The following PDGFD variants were observed in gnomAD, a reference collection of about 807,000 sequenced individuals.
The protein encoded by PDGFD is platelet-derived growth factor D.
PDGFD carries 30 observed loss-of-function variants against 44.7 expected under a neutral mutation model. The ratio of observed to expected loss-of-function variants is 0.67; its 90% CI spans 0.50 to 0.91. The LOEUF (loss-of-function observed/expected upper bound fraction) is 0.91. PDGFD is among the 40% of genes least tolerant of loss of function. PDGFD has a pLI of 0.00. For synonymous variants in PDGFD, 173 were observed against 168.4 expected, an observed-to-expected ratio of 1.03 and a Z score of -0.21; for missense variants, 445 against 457.8, an observed-to-expected ratio of 0.97 and a Z score of 0.25.
At chr11:104,014,429 G>A (rs1859830343) in intron 1 of PDGFD, among the ~76,000 whole-genome samples, 1 of 152,180 alleles carries the variant, frequency 6.6e-6, no homozygotes, top group African/African-American at 2.4e-5. Flanking sequence ...TCAGGAGTTT[G>A]AGGCTATAGT....
chr11:104,084,683 TTATA>T (rs1430280610), intron 1 of PDGFD, among the ~76,000 whole-genome samples: 2 of 137,922 alleles, frequency 1.5e-5, no homozygotes, highest in Non-Finnish European at 3.0e-5. Flanking sequence ...GATAAAATAA[TTATA>T]TAGTGTATAA....
chr11:104,063,011 A>G (rs1336181406), intron 1 of PDGFD, among the ~76,000 whole-genome samples: 1 of 152,176 alleles, frequency 6.6e-6, no homozygotes, highest in Admixed American at 6.5e-5. Context: ...AGTTATATAA[A>G]CACTGAAGAG....
At chr11:103,925,716 C>CATAT (rs370841769) in intron 6 of PDGFD, among the ~76,000 whole-genome samples, 5,002 of 122,578 alleles carry the variant, frequency 0.041, 137 homozygotes, top group South Asian at 0.07. Flanking sequence ...CACACACACA[C>CATAT]ATATATATAT....
chr11:104,152,091 T>C (rs999808075), intron 1 of PDGFD, among the ~76,000 whole-genome samples: 8 of 152,186 alleles, frequency 5.3e-5, no homozygotes, highest in Admixed American at 1.3e-4. Context: ...TGGTGCCTCA[T>C]CCAGAGCACT....
At chr11:103,945,493 C>A (rs769157576) in intron 4 of PDGFD, 1 of 152,182 alleles carries the variant, frequency 6.6e-6, no homozygotes, top group Non-Finnish European at 1.5e-5. Context: ...TTACAAGCAG[C>A]CTTGTGTCAC....
chr11:104,129,144 A>G (rs532139795), intron 1 of PDGFD, among the ~76,000 whole-genome samples: 1 of 152,288 alleles, frequency 6.6e-6, no homozygotes, highest in African/African-American at 2.4e-5. Context: ...ACAGAGCATA[A>G]TACAGAGCTC....
At chr11:104,119,674 T>C (rs1861736179) in intron 1 of PDGFD, among the ~76,000 whole-genome samples, 1 of 85,836 alleles carries the variant, frequency 1.2e-5, no homozygotes. Context: ...TATATCGATA[T>C]ATATATCGAT....
chr11:104,106,124 G>C (rs115463386), intron 1 of PDGFD, among the ~76,000 whole-genome samples: 2 of 152,234 alleles, frequency 1.3e-5, no homozygotes, highest in Admixed American at 6.5e-5. Flanking sequence ...GAGGAGCAGA[G>C]TAAATCATTG....
intron 3 of PDGFD, among the ~76,000 whole-genome samples, chr11:103,976,324 C>A (rs894461121): frequency 6.6e-6 from 1 of 151,966 alleles, no homozygotes; most frequent in African/African-American, 2.4e-5. Flanking sequence ...CATGATTTGG[C>A]TCTTTGTTTA....
chr11:103,940,727 A>T (rs1858570013), intron 5 of PDGFD, among the ~76,000 whole-genome samples: 1 of 152,176 alleles, frequency 6.6e-6, no homozygotes, highest in African/African-American at 2.4e-5. Flanking sequence ...AAATCAGCAC[A>T]TTTATACAAG....
At position 104,149,010 on chromosome 11, in the gene PDGFD, A is replaced by G. The variant is rs146486277; in HGVS notation, c.124+14794T>C. Among the ~76,000 whole-genome samples the G allele has an allele frequency of 5.3e-3, 809 of 152,230 alleles. 11 individuals are homozygous for G. Among genetic ancestry groups the G allele is most frequent in the Admixed American group, 0.043 (651 of 15,274 alleles). On this transcript the variant is annotated intron_variant, in intron 1 of 6. Transcript: ENST00000393158. ...ATTTTTACTTTTTTATGTGGTTACT[A>G]AAAATCTTTAAATAACATTGTCTTA... is the stretch of plus-strand genomic sequence containing the variant.
At chr11:103,965,146 C>T (rs138960417) in intron 3 of PDGFD, among the ~76,000 whole-genome samples, 2 of 152,080 alleles carry the variant, frequency 1.3e-5, no homozygotes, top group Admixed American at 6.6e-5. Context: ...TATACAGCCA[C>T]TGAACAACAT....
At chr11:103,934,524 G>C (rs896471074) in intron 5 of PDGFD, among the ~76,000 whole-genome samples, 6 of 152,216 alleles carry the variant, frequency 3.9e-5, no homozygotes, top group Non-Finnish European at 8.8e-5. Flanking sequence ...AAACACCCAA[G>C]ACTGGGTAGT....
intron 3 of PDGFD, among the ~76,000 whole-genome samples, chr11:103,976,869 G>A (rs1235107661): frequency 1.3e-5 from 2 of 151,796 alleles, no homozygotes; most frequent in African/African-American, 4.8e-5. Context: ...TGAGTAAGTT[G>A]AACCAGCCTT....
At chr11:103,950,201 T>A (rs1312559382) in intron 3 of PDGFD, among the ~76,000 whole-genome samples, 1 of 151,984 alleles carries the variant, frequency 6.6e-6, no homozygotes. Flanking sequence ...AGTTTTAAAA[T>A]CTTGGAACTG....
chr11:104,117,472 T>C (rs890826954), intron 1 of PDGFD, among the ~76,000 whole-genome samples: 1 of 152,006 alleles, frequency 6.6e-6, no homozygotes, highest in Non-Finnish European at 1.5e-5. Flanking sequence ...TGATTGCTTA[T>C]GTAGAAAACC....
At chr11:104,151,200 T>C (rs1041542200) in intron 1 of PDGFD, among the ~76,000 whole-genome samples, 1 of 152,074 alleles carries the variant, frequency 6.6e-6, no homozygotes, top group Non-Finnish European at 1.5e-5. Flanking sequence ...TTCTTTCTTA[T>C]CTTTAGGAAT....
Position 104,142,326 on chromosome 11 carries a change from T to C in PDGFD, c.124+21478A>G, listed in dbSNP as rs536395641. ...TTATAAAAGTAAATATATGTTTATA[T>C]GAATATGTGTGCGTGGTGTACATAT... On this transcript the variant is annotated intron_variant, in intron 1 of 6. Coordinates refer to ENST00000393158, the MANE Select transcript of PDGFD (RefSeq NM_025208.5). Among the ~76,000 whole-genome samples the C allele has an allele frequency of 4.5e-4, 68 of 152,272 alleles. 2 individuals are homozygous for C. In the South Asian group the frequency reaches 0.014, roughly 31 times the overall value.
At chr11:103,909,957 T>G in intron 6 of PDGFD, 138 bp from the exon 7 acceptor site, 9 of 964,460 alleles carry the variant, frequency 9.3e-6, no homozygotes, top group Non-Finnish European at 1.3e-5. Flanking sequence ...GCTATTAGAA[T>G]GCACACGTTG....
Sources: allele counts gnomAD v4.1 joint callset (sites outside exome capture counted in the v4.1 genomes callset), GRCh38; gene constraint gnomAD v4.1.1; transcripts MANE v1.5; gene names NCBI Gene and HGNC (gene_info 2026-07-23, HGNC 2026-07-21).